Variants in DNER observed in about 807,000 individuals in gnomAD.
DNER encodes delta/notch like EGF repeat containing.
A neutral mutation model predicts 78.2 loss-of-function variants in DNER; 33 were observed. The observed-to-expected ratio is 0.42, with a 90% CI of 0.32 to 0.56. The LOEUF (loss-of-function observed/expected upper bound fraction) is 0.56, where lower values mean the gene tolerates loss of function less well. Among genes scored for constraint, DNER ranks in the 20% least tolerant of loss-of-function variants. The pLI is 0.11. For synonymous variants in DNER, 417 were observed against 384.8 expected (o/e 1.08, Z -0.98); for missense variants, 918 against 975.3 (o/e 0.94, Z 0.78).
intron 1 of DNER, among the ~76,000 whole-genome samples, chr2:229,708,460 A>G (rs1311800888): frequency 6.6e-6 from 1 of 152,244 alleles, no homozygotes; most frequent in East Asian, 1.9e-4. Flanking sequence ...AGGGGTAAAT[A>G]TAAAGAAATT....
At chr2:229,665,511 GA>G (rs1364762941) in intron 1 of DNER, among the ~76,000 whole-genome samples, 2 of 152,006 alleles carry the variant, frequency 1.3e-5, no homozygotes, top group Non-Finnish European at 2.9e-5. Context: ...GCATCTATTA[GA>G]AAATGTAACA....
chr2:229,677,785 A>G (rs1472649358), intron 1 of DNER, among the ~76,000 whole-genome samples: 1 of 152,124 alleles, frequency 6.6e-6, no homozygotes, highest in African/African-American at 2.4e-5. Flanking sequence ...TCATCTTATC[A>G]ATATGTTTAA....
At chr2:229,368,770 A>G (rs956843950) in intron 11 of DNER, among the ~76,000 whole-genome samples, 18 of 152,224 alleles carry the variant, frequency 1.2e-4, no homozygotes, top group African/African-American at 3.9e-4. Flanking sequence ...GAGAACTGAC[A>G]TCACTTGGAG....
intron 10 of DNER, among the ~76,000 whole-genome samples, chr2:229,406,262 C>A (rs1377579582): frequency 6.6e-6 from 1 of 152,142 alleles, no homozygotes; most frequent in Non-Finnish European, 1.5e-5. Flanking sequence ...ATATGTTTTT[C>A]TTTGGCTTCA....
At chr2:229,595,249 AC>A (rs1274879379) in intron 1 of DNER, among the ~76,000 whole-genome samples, 1 of 151,800 alleles carries the variant, frequency 6.6e-6, no homozygotes, top group African/African-American at 2.4e-5. Context: ...CAAATGACTG[AC>A]TTTTACCCAG....
intron 11 of DNER, among the ~76,000 whole-genome samples, chr2:229,383,301 CAA>C (rs1409416398): frequency 6.6e-6 from 1 of 152,164 alleles, no homozygotes; most frequent in Admixed American, 6.5e-5. Flanking sequence ...CCAGCCACTG[CAA>C]AAACATACCA....
At chr2:229,463,477 G>C (rs778137104) in intron 7 of DNER, among the ~76,000 whole-genome samples, 5 of 152,158 alleles carry the variant, frequency 3.3e-5, no homozygotes, top group Non-Finnish European at 5.9e-5. Flanking sequence ...GTCTCGCTTT[G>C]TCTCCCAGGC....
Position 229,376,091 on chromosome 2 carries a change from T to A in DNER, c.1856-8972A>T, listed in dbSNP as rs1414520167. ...CCGTGCTTGTAAGTTTCCTGAGACCTTCCCAGCCATGCTGAAATGTGAGTC... is the reference window on the plus strand; with the variant it reads ...CCGTGCTTGTAAGTTTCCTGAGACCATCCCAGCCATGCTGAAATGTGAGTC... On this transcript the variant is annotated intron_variant, in intron 11 of 12. Coordinates refer to ENST00000341772, the MANE Select transcript of DNER (RefSeq NM_139072.4). 2.6e-5 allele frequency among the ~76,000 whole-genome samples: 4 copies of A among 152,226 alleles called. No homozygotes were observed. In the East Asian group the frequency reaches 7.7e-4, roughly 29 times the overall value.
intron 7 of DNER, among the ~76,000 whole-genome samples, chr2:229,464,370 G>A (rs1171272116): frequency 6.6e-6 from 1 of 152,112 alleles, no homozygotes; most frequent in African/African-American, 2.4e-5. Context: ...TTTTTCTTGA[G>A]CAGAACAGAA....
chr2:229,684,831 A>G (rs1229436543), intron 1 of DNER, among the ~76,000 whole-genome samples: 2 of 152,222 alleles, frequency 1.3e-5, no homozygotes, highest in Non-Finnish European at 2.9e-5. Context: ...TTTACAGCAA[A>G]AATTAGAAAG....
chr2:229,360,950 G>C (rs775688384), intron 12 of DNER, among the ~76,000 whole-genome samples: 1 of 152,216 alleles, frequency 6.6e-6, no homozygotes, highest in Non-Finnish European at 1.5e-5. Flanking sequence ...GAGCAGGCAG[G>C]CTTGGAGCTG....
intron 1 of DNER, among the ~76,000 whole-genome samples, chr2:229,622,461 T>C (rs1333223495): frequency 6.6e-6 from 1 of 152,160 alleles, no homozygotes; most frequent in Non-Finnish European, 1.5e-5. Flanking sequence ...TTAACCAAGC[T>C]TGAGTCTTTT....
At chr2:229,365,115 A>G (rs1450177368) in intron 12 of DNER, among the ~76,000 whole-genome samples, 1 of 152,118 alleles carries the variant, frequency 6.6e-6, no homozygotes, top group Non-Finnish European at 1.5e-5. Context: ...CACTTTCCCA[A>G]TATGTACCTA....
chr2:229,399,747 G>A (rs894012714), intron 10 of DNER, among the ~76,000 whole-genome samples: 6 of 152,010 alleles, frequency 3.9e-5, no homozygotes, highest in African/African-American at 2.4e-5. Flanking sequence ...GATTTTTGAC[G>A]AAAGTTCAAA....
At chr2:229,537,781 A>T (rs1304680501) in intron 5 of DNER, among the ~76,000 whole-genome samples, 1 of 151,424 alleles carries the variant, frequency 6.6e-6, no homozygotes, top group Non-Finnish European at 1.5e-5. Flanking sequence ...TTATACTTTA[A>T]GTTTTAGGGT....
intron 10 of DNER, among the ~76,000 whole-genome samples, chr2:229,397,683 C>A (rs1033061874): frequency 6.6e-6 from 1 of 151,924 alleles, no homozygotes; most frequent in African/African-American, 2.4e-5. Context: ...TGTTCTCTCA[C>A]CGTAATTAAA....
chr2:229,685,477 T>C (rs1259934227), intron 1 of DNER, among the ~76,000 whole-genome samples: 1 of 135,886 alleles, frequency 7.4e-6, no homozygotes, highest in Non-Finnish European at 1.6e-5. Context: ...AAATGGAAAA[T>C]GCATTTAAAT....
At chr2:229,510,926 C>A (rs1695853856) in intron 6 of DNER, among the ~76,000 whole-genome samples, 1 of 152,184 alleles carries the variant, frequency 6.6e-6, no homozygotes, top group Non-Finnish European at 1.5e-5. Flanking sequence ...TATCATATCA[C>A]TTTTTAAAAA....
In DNER at chr2:229,583,381, G is replaced by A. The variant is rs1697435797; in HGVS notation, c.847+2477C>T. On this transcript the variant is annotated intron_variant, in intron 4 of 12. Coordinates refer to ENST00000341772, the MANE Select transcript of DNER (RefSeq NM_139072.4). ...GATGGGCAAAATTATCTAACACAAAGCCTGTTTTATAATAAAGTGTTGAAT... is the reference window on the plus strand; with the variant it reads ...GATGGGCAAAATTATCTAACACAAAACCTGTTTTATAATAAAGTGTTGAAT... Among the ~76,000 whole-genome samples the A allele has an allele frequency of 2.0e-5, 3 of 152,108 alleles. No individual in the cohort carries two copies. In the South Asian group the frequency reaches 6.2e-4, roughly 31 times the overall value.
Sources: allele counts gnomAD v4.1 joint callset (sites outside exome capture counted in the v4.1 genomes callset), GRCh38; gene constraint gnomAD v4.1.1; transcripts MANE v1.5; gene names NCBI Gene and HGNC (gene_info 2026-07-23, HGNC 2026-07-21).